Variants in CAMK1D observed in about 807,000 individuals in gnomAD.
The protein encoded by CAMK1D is calcium/calmodulin dependent protein kinase ID, also known as calcium/calmodulin-dependent protein kinase type 1D.
In CAMK1D, 9 loss-of-function variants were observed where a neutral mutation model predicts 47.7. That is an observed-to-expected ratio of 0.19 (90% CI 0.11 to 0.33). The LOEUF (loss-of-function observed/expected upper bound fraction) is 0.33. CAMK1D is among the 10% of genes least tolerant of loss of function. The pLI is 1.00. For missense variants in CAMK1D, 291 were observed against 488.7 expected (o/e 0.60, Z 3.81); for synonymous variants, 184 against 184.9 (o/e 0.99, Z 0.04).
intron 6 of CAMK1D, among the ~76,000 whole-genome samples, chr10:12,812,212 G>A (rs986264080): frequency 6.6e-6 from 1 of 152,206 alleles, no homozygotes; most frequent in Non-Finnish European, 1.5e-5. Flanking sequence ...GCAGTCCTGC[G>A]CTCTGTTGTT....
chr10:12,767,289 T>G (rs9988768), intron 4 of CAMK1D, among the ~76,000 whole-genome samples: 13,744 of 152,186 alleles, frequency 0.09, 853 homozygotes, highest in East Asian at 0.31. Flanking sequence ...GTGATTCTCC[T>G]GCCTCAGCCT....
chr10:12,437,411 T>G (rs1003390916), intron 1 of CAMK1D, among the ~76,000 whole-genome samples: 1 of 152,150 alleles, frequency 6.6e-6, no homozygotes, highest in Non-Finnish European at 1.5e-5. Context: ...ACCAGGCTGG[T>G]CTCAAACTCT....
intron 2 of CAMK1D, among the ~76,000 whole-genome samples, chr10:12,572,430 A>G (rs1837356187): frequency 6.6e-6 from 1 of 152,104 alleles, no homozygotes; most frequent in Non-Finnish European, 1.5e-5. Flanking sequence ...TGCTAGGCCA[A>G]GGGGTAACCA....
At chr10:12,781,715 G>A (rs1236359247) in intron 5 of CAMK1D, among the ~76,000 whole-genome samples, 1 of 150,232 alleles carries the variant, frequency 6.7e-6, no homozygotes, top group Admixed American at 6.7e-5. Context: ...GCAGTAGCAC[G>A]AGCTCAGCTC....
intron 3 of CAMK1D, among the ~76,000 whole-genome samples, chr10:12,693,975 T>A (rs1833050477): frequency 6.6e-5 from 1 of 15,182 alleles, no homozygotes; most frequent in African/African-American, 1.6e-4. Context: ...AAATATATAA[T>A]ATATATTATA....
Position 12,829,007 on chromosome 10 carries a change from G to T in CAMK1D, c.*120G>T. ...ATGGTGCCCCTTCCTGCATAGGACT[G>T]GAAGACCGAAGTTTTTTTATGGCCA... On this transcript the variant is annotated 3_prime_UTR_variant, in exon 11 of 11. Coordinates refer to ENST00000619168, the MANE Select transcript of CAMK1D (RefSeq NM_153498.4). 1 of 674,688 alleles carries T rather than the reference G, an allele frequency of 1.5e-6. No individual in the cohort carries two copies. Among genetic ancestry groups the T allele is most frequent in the Non-Finnish European group, 2.4e-6 (1 of 410,756 alleles). 41.8% of individuals were successfully genotyped at this position (674,688 alleles called of 1,614,324 possible). A position where few individuals can be genotyped will look rare whatever the true frequency, so the allele number is the denominator to read the frequency against.
At chr10:12,452,379 A>C (rs1024181944) in intron 1 of CAMK1D, among the ~76,000 whole-genome samples, 2 of 151,910 alleles carry the variant, frequency 1.3e-5, no homozygotes, top group Non-Finnish European at 2.9e-5. Context: ...ATCATAAGGA[A>C]ATTTCTCAGA....
chr10:12,634,087 G>A (rs1269119451), intron 2 of CAMK1D, among the ~76,000 whole-genome samples: 1 of 152,180 alleles, frequency 6.6e-6, no homozygotes, highest in Non-Finnish European at 1.5e-5. Context: ...GCATGCTGGT[G>A]AGATTCAGGG....
chr10:12,406,719 T>C (rs1839439509), intron 1 of CAMK1D, among the ~76,000 whole-genome samples: 1 of 48,456 alleles, frequency 2.1e-5, no homozygotes, highest in Non-Finnish European at 4.0e-5. Context: ...TGAGACCCTG[T>C]CTCAAAAAAA....
intron 3 of CAMK1D, among the ~76,000 whole-genome samples, chr10:12,668,620 A>G (rs1256443832): frequency 6.6e-6 from 1 of 152,248 alleles, no homozygotes; most frequent in Non-Finnish European, 1.5e-5. Flanking sequence ...TTAGGTCTTC[A>G]GTACACGTGG....
intron 1 of CAMK1D, among the ~76,000 whole-genome samples, chr10:12,529,802 T>C (rs1835746657): frequency 1.3e-5 from 2 of 152,132 alleles, no homozygotes; most frequent in Non-Finnish European, 2.9e-5. Context: ...GCAATATATA[T>C]TGTAATGATT....
chr10:12,530,526 G>C (rs1210950282), intron 1 of CAMK1D, among the ~76,000 whole-genome samples: 1 of 152,152 alleles, frequency 6.6e-6, no homozygotes, highest in African/African-American at 2.4e-5. Context: ...TAATTGACAT[G>C]CTAATAGTTT....
chr10:12,674,093 G>GTGCCACCATGCC (rs1840716045), intron 3 of CAMK1D, among the ~76,000 whole-genome samples: 1 of 152,096 alleles, frequency 6.6e-6, no homozygotes, highest in Admixed American at 6.6e-5. Flanking sequence ...CTGCAGGCAT[G>GTGCCACCATGCC]TGCCACCATG....
intron 1 of CAMK1D, among the ~76,000 whole-genome samples, chr10:12,372,141 A>G (rs1838024298): frequency 6.6e-6 from 1 of 152,196 alleles, no homozygotes; most frequent in Non-Finnish European, 1.5e-5. Flanking sequence ...GGTGTGTAGT[A>G]GGCCATACCT....
intron 2 of CAMK1D, among the ~76,000 whole-genome samples, chr10:12,605,427 A>G (rs191778540): frequency 6.6e-6 from 1 of 151,616 alleles, no homozygotes; most frequent in Non-Finnish European, 1.5e-5. Flanking sequence ...GAACTTCACT[A>G]CTGTGGCAGA....
At chr10:12,758,073 G>T (rs1836318452) in intron 3 of CAMK1D, among the ~76,000 whole-genome samples, 1 of 151,896 alleles carries the variant, frequency 6.6e-6, no homozygotes, top group African/African-American at 2.4e-5. Flanking sequence ...TTGGTCTTGA[G>T]CTCCTGACCT....
At chr10:12,367,684 A>G (rs1379418374) in intron 1 of CAMK1D, among the ~76,000 whole-genome samples, 1 of 152,038 alleles carries the variant, frequency 6.6e-6, no homozygotes, top group South Asian at 2.1e-4. Flanking sequence ...ACAGTTCACA[A>G]CAGGGCTTGT....
intron 3 of CAMK1D, among the ~76,000 whole-genome samples, chr10:12,729,168 C>T (rs1473251827): frequency 3.3e-5 from 5 of 152,126 alleles, no homozygotes; most frequent in South Asian, 4.1e-4. Flanking sequence ...CAGTCCTGTG[C>T]GTGTTTTTCG....
chr10:12,801,949 C>G (rs77921614), intron 6 of CAMK1D, among the ~76,000 whole-genome samples: 6,494 of 152,304 alleles, frequency 0.043, 166 homozygotes, highest in Non-Finnish European at 0.054. Context: ...TTTCCTCTGA[C>G]TTCCTGGCTG....
Sources: allele counts gnomAD v4.1 joint callset (sites outside exome capture counted in the v4.1 genomes callset), GRCh38; gene constraint gnomAD v4.1.1; transcripts MANE v1.5; gene names NCBI Gene and HGNC (gene_info 2026-07-23, HGNC 2026-07-21).